The following CFAP299 variants were observed in gnomAD, a reference collection of about 807,000 sequenced individuals.
CFAP299 encodes cilia- and flagella-associated protein 299.
CFAP299 carries 21 observed loss-of-function variants against 27.0 expected under a neutral mutation model. That is an observed-to-expected ratio of 0.78 (90% CI 0.55 to 1.12). The LOEUF is 1.12. Ranked by LOEUF, CFAP299 falls within the 50% of genes most tolerant of loss-of-function variation. The pLI, the probability that CFAP299 is intolerant of heterozygous loss-of-function variation, is 0.00. For synonymous variants in CFAP299, 104 were observed against 98.1 expected (o/e 1.06, Z -0.36); for missense variants, 310 against 276.6 (o/e 1.12, Z -0.86).
At chr4:80,722,123 T>C (rs1477755274) in intron 3 of CFAP299, among the ~76,000 whole-genome samples, 2 of 152,116 alleles carry the variant, frequency 1.3e-5, no homozygotes, top group Non-Finnish European at 2.9e-5. Flanking sequence ...TTACCATATA[T>C]AGAAAATAAT....
intron 2 of CFAP299, among the ~76,000 whole-genome samples, chr4:80,549,363 T>C (rs913591679): frequency 2.0e-5 from 3 of 152,128 alleles, no homozygotes; most frequent in Non-Finnish European, 4.4e-5. Context: ...AGATGGAAAC[T>C]TAGGACTTGG....
intron 2 of CFAP299, among the ~76,000 whole-genome samples, chr4:80,401,212 C>G (rs1389024648): frequency 6.6e-6 from 1 of 152,192 alleles, no homozygotes; most frequent in East Asian, 1.9e-4. Context: ...GGGAGAAATT[C>G]AAGCTGGCTG....
intron 2 of CFAP299, among the ~76,000 whole-genome samples, chr4:80,578,021 G>A (rs1397804352): frequency 6.6e-6 from 1 of 151,986 alleles, no homozygotes; most frequent in Non-Finnish European, 1.5e-5. Context: ...CATTCAAGTA[G>A]GATTATATAA....
chr4:80,341,959 T>C (rs1722480270), intron 1 of CFAP299, among the ~76,000 whole-genome samples: 1 of 152,150 alleles, frequency 6.6e-6, no homozygotes, highest in Non-Finnish European at 1.5e-5. Context: ...CAAGAATAGC[T>C]GGGTAAGAGA....
intron 3 of CFAP299, among the ~76,000 whole-genome samples, chr4:80,862,548 T>G (rs1474736741): frequency 6.6e-6 from 1 of 152,102 alleles, no homozygotes; most frequent in Non-Finnish European, 1.5e-5. Context: ...TAACTACAGA[T>G]TGCAAAGTGG....
At chr4:80,817,935 C>T (rs765884559) in intron 3 of CFAP299, among the ~76,000 whole-genome samples, 8 of 151,798 alleles carry the variant, frequency 5.3e-5, no homozygotes, top group Admixed American at 5.3e-4. Flanking sequence ...CACAGATCAT[C>T]CCAATGCCTA....
intron 4 of CFAP299, among the ~76,000 whole-genome samples, chr4:80,891,411 T>C (rs540914429): frequency 6.6e-6 from 1 of 151,650 alleles, no homozygotes; most frequent in African/African-American, 2.4e-5. Flanking sequence ...GTGGCACATA[T>C]ACACCATGGA....
At chr4:80,405,105 A>G (rs116190751) in intron 2 of CFAP299, among the ~76,000 whole-genome samples, 3,030 of 152,290 alleles carry the variant, frequency 0.02, 55 homozygotes, top group Admixed American at 0.061. Context: ...AGCTTTGAAC[A>G]TGGCCAGTTT....
intron 4 of CFAP299, among the ~76,000 whole-genome samples, chr4:80,909,359 AATTGTAATTTAATT>A (rs905886134): frequency 5.3e-5 from 8 of 152,110 alleles, no homozygotes; most frequent in Non-Finnish European, 1.0e-4. Context: ...CTAAATTAAA[AATTGTAATTTAATT>A]ATAATGACAA....
chr4:80,415,273 G>A (rs1370609049), intron 2 of CFAP299, among the ~76,000 whole-genome samples: 3 of 152,162 alleles, frequency 2.0e-5, no homozygotes, highest in Non-Finnish European at 4.4e-5. Flanking sequence ...GACTTACAGA[G>A]TTAGAAGTTG....
At chr4:80,573,016 C>T in intron 2 of CFAP299, among the ~76,000 whole-genome samples, 1 of 151,966 alleles carries the variant, frequency 6.6e-6, no homozygotes, top group South Asian at 2.1e-4. Context: ...CACATGATAC[C>T]TCTGTTTTTA....
intron 2 of CFAP299, among the ~76,000 whole-genome samples, chr4:80,483,748 C>T (rs899084824): frequency 8.5e-5 from 13 of 152,102 alleles, no homozygotes; most frequent in African/African-American, 3.1e-4. Flanking sequence ...AATGCATACC[C>T]TTGAAAATCA....
chr4:80,483,348 A>G (rs1438588407), intron 2 of CFAP299, among the ~76,000 whole-genome samples: 1 of 152,236 alleles, frequency 6.6e-6, no homozygotes, highest in Non-Finnish European at 1.5e-5. Flanking sequence ...TTATTATAAT[A>G]GCAGGAGAAA....
intron 3 of CFAP299, among the ~76,000 whole-genome samples, chr4:80,768,459 AAC>A (rs2110082308): frequency 6.6e-6 from 1 of 152,288 alleles, no homozygotes; most frequent in South Asian, 2.1e-4. Flanking sequence ...TTTTTAACTA[AAC>A]TTTATAAACT....
At position 80,931,847 on chromosome 4, in the gene CFAP299, A is replaced by G. The variant is rs146747754; in HGVS notation, c.477-12963A>G. Reference sequence around the variant, plus strand: ...GAAGTAAGCCAAGTTTTCAACAGGAATCACCCTGTACCTTCCCTGAGAGGA... The same window carrying G: ...GAAGTAAGCCAAGTTTTCAACAGGAGTCACCCTGTACCTTCCCTGAGAGGA... On this transcript the variant is annotated intron_variant, in intron 4 of 5. Coordinates refer to ENST00000358105, the MANE Select transcript of CFAP299 (RefSeq NM_152770.3). Among the ~76,000 whole-genome samples, 618 of 152,288 alleles carry G rather than the reference A, an allele frequency of 4.1e-3. 1 individual carries two copies. Among genetic ancestry groups the G allele is most frequent in the Middle Eastern group, 0.014 (4 of 294 alleles).
chr4:80,457,211 C>T (rs1447766425), intron 2 of CFAP299, among the ~76,000 whole-genome samples: 4 of 151,998 alleles, frequency 2.6e-5, no homozygotes, highest in Admixed American at 2.0e-4. Flanking sequence ...ATTGATGATC[C>T]GCAGGCAGCG....
intron 5 of CFAP299, among the ~76,000 whole-genome samples, chr4:80,953,423 G>A (rs1469151050): frequency 2.0e-5 from 3 of 151,914 alleles, no homozygotes; most frequent in Non-Finnish European, 4.4e-5. Context: ...TTCTCCTCTG[G>A]GTAATCACCT....
At chr4:80,812,197 C>G (rs1729188939) in intron 3 of CFAP299, among the ~76,000 whole-genome samples, 1 of 152,074 alleles carries the variant, frequency 6.6e-6, no homozygotes, top group South Asian at 2.1e-4. Flanking sequence ...ACCAATGAAT[C>G]ACAGCTAGAA....
intron 3 of CFAP299, among the ~76,000 whole-genome samples, chr4:80,718,751 T>G (rs1198663430): frequency 6.6e-6 from 1 of 152,044 alleles, no homozygotes; most frequent in Non-Finnish European, 1.5e-5. Flanking sequence ...AAAAAAATCG[T>G]TAACTCTCAG....
Sources: allele counts gnomAD v4.1 joint callset (sites outside exome capture counted in the v4.1 genomes callset), GRCh38; gene constraint gnomAD v4.1.1; transcripts MANE v1.5; gene names NCBI Gene and HGNC (gene_info 2026-07-23, HGNC 2026-07-21).